The following USP25 variants were observed in gnomAD, a reference collection of about 807,000 sequenced individuals.
The protein encoded by USP25 is ubiquitin carboxyl-terminal hydrolase 25.
USP25 carries 85 observed loss-of-function variants against 158.5 expected under a neutral mutation model. That is an observed-to-expected ratio of 0.54 (90% CI 0.45 to 0.64). USP25 has a LOEUF of 0.64. Among genes scored for constraint, USP25 ranks in the 30% least tolerant of loss-of-function variants. The probability of loss-of-function intolerance (pLI) is 0.00; values close to 1 mark genes in which losing one functional copy is unlikely to be tolerated. For missense variants in USP25, 1,242 were observed against 1,327.3 expected (o/e 0.94, Z 1.00); for synonymous variants, 464 against 460.4 (o/e 1.01, Z -0.10).
intron 20 of USP25, among the ~76,000 whole-genome samples, chr21:15,862,874 T>C (rs530341691): frequency 1.3e-5 from 2 of 152,110 alleles, no homozygotes; most frequent in South Asian, 4.1e-4. Context: ...AGTATGATAT[T>C]ACATAACTAG....
At chr21:15,832,338 T>C (rs1016600293) in intron 16 of USP25, among the ~76,000 whole-genome samples, 25 of 152,218 alleles carry the variant, frequency 1.6e-4, no homozygotes, top group Non-Finnish European at 1.0e-4. Flanking sequence ...TATTCTGATA[T>C]ATGCTTTGCA....
chr21:15,772,608 T>A (rs1168247545), intron 3 of USP25, among the ~76,000 whole-genome samples: 1 of 152,168 alleles, frequency 6.6e-6, no homozygotes, highest in Non-Finnish European at 1.5e-5. Flanking sequence ...CAGTTAGAAG[T>A]TGTTTATAGC....
At chr21:15,831,328 T>G (rs970195667) in intron 15 of USP25, 73 bp from the exon 16 acceptor site, 7 of 1,401,676 alleles carry the variant, frequency 5.0e-6, no homozygotes, top group Middle Eastern at 1.9e-4. Flanking sequence ...ACAGGTTGTT[T>G]GTGGGTTTCA....
chr21:15,850,765 A>C (rs2038849105), intron 20 of USP25, among the ~76,000 whole-genome samples: 1 of 152,056 alleles, frequency 6.6e-6, no homozygotes, highest in Admixed American at 6.5e-5. Flanking sequence ...AGTACAAAAC[A>C]AAAGCCTTGT....
intron 1 of USP25, among the ~76,000 whole-genome samples, chr21:15,741,433 T>C (rs1601244953): frequency 6.6e-6 from 1 of 152,178 alleles, no homozygotes; most frequent in East Asian, 1.9e-4. Context: ...CCAAATTGAT[T>C]GTATCATTGT....
At chr21:15,874,598 A>G in intron 24 of USP25, 72 bp downstream of exon 24, 1 of 1,440,946 alleles carries the variant, frequency 6.9e-7, no homozygotes, top group Non-Finnish European at 9.3e-7. Flanking sequence ...ACTCATATAT[A>G]AGTGATTGAC....
At position 15,843,675 on chromosome 21, in the gene USP25, A is replaced by G. The variant is rs2038447150; in HGVS notation, c.2337+1135A>G. 2.6e-5 allele frequency among the ~76,000 whole-genome samples: 4 copies of G among 152,148 alleles called. No individual in the cohort carries two copies. The highest frequency in any genetic ancestry group is 2.6e-4 in the Admixed American group (4 of 15,270). ...ACTAACTCTAAAGCTTTTCCTGGAA[A>G]ATGCTTTGTTTAGTGGATCTGGGAT... On this transcript the variant is annotated intron_variant, in intron 18 of 25. Coordinates refer to ENST00000400183, the MANE Select transcript of USP25 (RefSeq NM_001283041.3). The surrounding 1 kb of genome is among the most constrained non-coding windows in gnomAD (Gnocchi z 4.0).
chr21:15,858,933 A>G (rs953081510), intron 20 of USP25, among the ~76,000 whole-genome samples: 2 of 151,744 alleles, frequency 1.3e-5, no homozygotes, highest in Non-Finnish European at 2.9e-5. Flanking sequence ...TTAATTCTTA[A>G]TAATTGTAAA....
intron 3 of USP25, among the ~76,000 whole-genome samples, chr21:15,777,116 G>A (rs2034699892): frequency 6.6e-6 from 1 of 152,162 alleles, no homozygotes. Flanking sequence ...CATTTTTATT[G>A]AAGGCGGTAT....
rs1473207988 is a variant in USP25 at position 15,816,259 on chromosome 21, C to T, written c.932-2439C>T. ...CTTGCCTCTGCCATGTAAGAAGTGC[C>T]TTTTGCCTCCCGCCACGATTCTGAG... On this transcript the variant is annotated intron_variant, in intron 9 of 25. Coordinates refer to ENST00000400183, the MANE Select transcript of USP25 (RefSeq NM_001283041.3). This position sits in a 1 kb window ranked among gnomAD's most constrained non-coding sequence, Gnocchi z 4.0. 2.0e-5 allele frequency among the ~76,000 whole-genome samples: 3 copies of T among 152,232 alleles called. No homozygotes were observed. The highest frequency in any genetic ancestry group is 3.9e-4 in the East Asian group (2 of 5,178).
At chr21:15,818,991 G>T in intron 10 of USP25, 145 bp downstream of exon 10, 1 of 989,412 alleles carries the variant, frequency 1.0e-6, no homozygotes, top group Non-Finnish European at 1.5e-6. Context: ...TGGTAATTTA[G>T]ACATTCAGGA....
At chr21:15,802,591 T>C (rs1308329517) in intron 6 of USP25, among the ~76,000 whole-genome samples, 9 of 151,368 alleles carry the variant, frequency 5.9e-5, no homozygotes, top group East Asian at 1.9e-4. Flanking sequence ...CAGAATATTG[T>C]AAGCTGAATG....
chr21:15,866,334 A>AG lies in USP25; in HGVS notation c.2797dup (p.Glu933GlyfsTer3). ...ATAAAACCTGAAGAAGTAAACTTGG[A>AG]GGAATATGAGGTAATGTGCTTTCTT... On this transcript the variant is annotated frameshift_variant, in exon 22 of 26. Transcript: ENST00000400183. LOFTEE classifies it high-confidence loss of function. The AG allele has an allele frequency of 6.2e-7, 1 of 1,603,404 alleles. No homozygotes were observed. The highest frequency in any genetic ancestry group is 1.1e-5 in the South Asian group (1 of 89,516).
intron 3 of USP25, among the ~76,000 whole-genome samples, chr21:15,777,437 T>C (rs997226355): frequency 1.3e-5 from 2 of 152,226 alleles, no homozygotes; most frequent in Admixed American, 6.5e-5. Flanking sequence ...GGTTAGTTTC[T>C]GAAACATCAG....
At chr21:15,735,365 C>CTATAACAAT (rs1433547584) in intron 1 of USP25, among the ~76,000 whole-genome samples, 2 of 152,236 alleles carry the variant, frequency 1.3e-5, no homozygotes, top group Admixed American at 1.3e-4. Context: ...CCTAACAATA[C>CTATAACAAT]AGTATAACAA....
At chr21:15,874,596 AT>A (rs2040026313) in intron 24 of USP25, 70 bp downstream of exon 24, 1 of 1,450,086 alleles carries the variant, frequency 6.9e-7, no homozygotes, top group African/African-American at 1.4e-5. Flanking sequence ...AGACTCATAT[AT>A]AAGTGATTGA....
At chr21:15,848,628 T>C (rs2038740832) in intron 19 of USP25, among the ~76,000 whole-genome samples, 1 of 152,136 alleles carries the variant, frequency 6.6e-6, no homozygotes, top group Non-Finnish European at 1.5e-5. Context: ...ATGTTAAGTT[T>C]TTTTTCACGT....
chr21:15,801,331 G>A (rs2036124677), intron 6 of USP25, among the ~76,000 whole-genome samples: 1 of 151,522 alleles, frequency 6.6e-6, no homozygotes, highest in Admixed American at 6.6e-5. Context: ...GAATACTAGA[G>A]AAATGTGTAA....
chr21:15,800,090 G>A (rs996552586), intron 6 of USP25, among the ~76,000 whole-genome samples: 1 of 151,074 alleles, frequency 6.6e-6, no homozygotes, highest in Non-Finnish European at 1.5e-5. Context: ...TTTTGGGGGG[G>A]ACTGTCAAAT....
Sources: gnomAD v4.1 joint callset for allele counts (sites outside exome capture counted in the v4.1 genomes callset) on GRCh38, gnomAD v4.1.1 for gene constraint, Gnocchi (gnomAD v3.1) non-coding constraint, MANE v1.5 for transcripts, NCBI Gene and HGNC (gene_info 2026-07-23, HGNC 2026-07-21) for gene names.